The following ZNF609 variants were observed in gnomAD, a reference collection of about 807,000 sequenced individuals.
The protein encoded by ZNF609 is zinc finger protein 609.
ZNF609 carries 11 observed loss-of-function variants against 109.5 expected under a neutral mutation model. The ratio of observed to expected loss-of-function variants is 0.10; its 90% CI spans 0.06 to 0.17. ZNF609 has a LOEUF of 0.17. ZNF609 is among the 10% of genes least tolerant of loss of function. ZNF609 has a pLI of 1.00. For missense variants in ZNF609, 1,559 were observed against 1,772.4 expected (o/e 0.88, Z 2.16); for synonymous variants, 646 against 662.0 (o/e 0.98, Z 0.37).
At chr15:64,507,039 G>T (rs537091936) in intron 2 of ZNF609, among the ~76,000 whole-genome samples, 7 of 151,864 alleles carry the variant, frequency 4.6e-5, no homozygotes, top group African/African-American at 9.7e-5. Context: ...AGTTGGAGGT[G>T]GGGGGAAGAC....
At chr15:64,622,442 C>T (rs1895891093) in intron 2 of ZNF609, among the ~76,000 whole-genome samples, 1 of 152,282 alleles carries the variant, frequency 6.6e-6, no homozygotes, top group East Asian at 1.9e-4. Context: ...AGATGCTGGG[C>T]CTTGTCTTTC....
chr15:64,587,071 A>C (rs1895210692), intron 2 of ZNF609, among the ~76,000 whole-genome samples: 1 of 152,222 alleles, frequency 6.6e-6, no homozygotes, highest in South Asian at 2.1e-4. Flanking sequence ...CTGTTTAATC[A>C]ATATTTTAGG....
Position 64,621,606 on chromosome 15 carries a change from T to G in ZNF609, c.748-1221T>G, listed in dbSNP as rs545561813. Among the ~76,000 whole-genome samples, 4 of 152,256 alleles carry G rather than the reference T, an allele frequency of 2.6e-5. No individual in the cohort carries two copies. In the South Asian group the frequency reaches 8.3e-4, roughly 32 times the overall value. Reference sequence around the variant, plus strand: ...CTTGGCTACACGTGATCTTCCTCCATAGGCCTCCCAAAACATTAGGACTAC... The same window carrying G: ...CTTGGCTACACGTGATCTTCCTCCAGAGGCCTCCCAAAACATTAGGACTAC... On this transcript the variant is annotated intron_variant, in intron 2 of 9. Transcript: ENST00000326648.
intron 3 of ZNF609, among the ~76,000 whole-genome samples, chr15:64,652,267 G>C (rs966967425): frequency 6.6e-6 from 1 of 151,958 alleles, no homozygotes; most frequent in Non-Finnish European, 1.5e-5. Flanking sequence ...CAAGTGATCT[G>C]CCCACCTCGG....
intron 3 of ZNF609, among the ~76,000 whole-genome samples, chr15:64,640,499 G>A (rs1896238299): frequency 6.6e-6 from 1 of 152,126 alleles, no homozygotes; most frequent in Non-Finnish European, 1.5e-5. Flanking sequence ...ATAGGTTTCA[G>A]CAGTTGGCAG....
chr15:64,586,441 G>T (rs535995333), intron 2 of ZNF609, among the ~76,000 whole-genome samples: 1 of 152,066 alleles, frequency 6.6e-6, no homozygotes. Flanking sequence ...GAACCTGGTC[G>T]CACAGCAGGA....
intron 3 of ZNF609, among the ~76,000 whole-genome samples, chr15:64,641,025 A>G (rs1567036977): frequency 6.6e-6 from 1 of 152,068 alleles, no homozygotes; most frequent in African/African-American, 2.4e-5. Flanking sequence ...GGCCTTCTCT[A>G]TCCTGTACTA....
chr15:64,485,660 C>G (rs1893322280), intron 1 of ZNF609, among the ~76,000 whole-genome samples: 1 of 151,928 alleles, frequency 6.6e-6, no homozygotes, highest in South Asian at 2.1e-4. Context: ...TTTAAATTCA[C>G]TGGGCATGGT....
At chr15:64,563,498 G>A (rs189942205) in intron 2 of ZNF609, among the ~76,000 whole-genome samples, 106 of 151,982 alleles carry the variant, frequency 7.0e-4, no homozygotes, top group African/African-American at 2.3e-3. Context: ...AAAGATTGGC[G>A]GGGCGCAGTA....
intron 2 of ZNF609, among the ~76,000 whole-genome samples, chr15:64,565,935 A>G (rs909876357): frequency 6.6e-6 from 1 of 152,052 alleles, no homozygotes; most frequent in Non-Finnish European, 1.5e-5. Context: ...TGGAGCCTCA[A>G]CCTCCTGGGC....
At chr15:64,610,658 AT>A (rs903205041) in intron 2 of ZNF609, among the ~76,000 whole-genome samples, 3 of 151,628 alleles carry the variant, frequency 2.0e-5, no homozygotes, top group South Asian at 2.1e-4. Context: ...TAAAATAATA[AT>A]TTTTTTTTAA....
At chr15:64,630,893 T>C (rs1896063435) in intron 3 of ZNF609, among the ~76,000 whole-genome samples, 2 of 152,246 alleles carry the variant, frequency 1.3e-5, no homozygotes, top group Admixed American at 1.3e-4. Context: ...TATTTGGCTG[T>C]TTTCTAACCA....
chr15:64,576,831 A>G (rs2140419369), intron 2 of ZNF609, among the ~76,000 whole-genome samples: 1 of 146,756 alleles, frequency 6.8e-6, no homozygotes, highest in Non-Finnish European at 1.5e-5. Flanking sequence ...TCAAAAAAAA[A>G]AAAAAAAAAA....
chr15:64,560,056 G>GT (rs1472100138), intron 2 of ZNF609, among the ~76,000 whole-genome samples: 7 of 151,614 alleles, frequency 4.6e-5, no homozygotes, highest in African/African-American at 1.5e-4. Flanking sequence ...GTCTCTCTGG[G>GT]TTTTTTTTGA....
At chr15:64,510,810 T>A (rs777179166) in intron 2 of ZNF609, among the ~76,000 whole-genome samples, 1 of 152,192 alleles carries the variant, frequency 6.6e-6, no homozygotes, top group African/African-American at 2.4e-5. Flanking sequence ...CTCTAATTGC[T>A]TTTTAAATTT....
At chr15:64,553,430 G>T (rs2140395254) in intron 2 of ZNF609, among the ~76,000 whole-genome samples, 1 of 151,560 alleles carries the variant, frequency 6.6e-6, no homozygotes, top group South Asian at 2.1e-4. Flanking sequence ...ACAATATTTT[G>T]TTTTCAGTGT....
chr15:64,594,525 A>T (rs1567023902), intron 2 of ZNF609, among the ~76,000 whole-genome samples: 2 of 151,350 alleles, frequency 1.3e-5, no homozygotes, highest in Non-Finnish European at 1.5e-5. Flanking sequence ...GTTGGTAAAG[A>T]CCGGGTTTCA....
chr15:64,534,938 C>T (rs556001894), intron 2 of ZNF609, among the ~76,000 whole-genome samples: 1 of 151,724 alleles, frequency 6.6e-6, no homozygotes, highest in East Asian at 2.0e-4. Flanking sequence ...GAGGCTAAGT[C>T]AGGAGAATTG....
rs1473403820 is a variant in ZNF609, at chr15:64,681,901, G to A, written c.*215G>A. On this transcript the variant is annotated 3_prime_UTR_variant, in exon 10 of 10. Coordinates refer to ENST00000326648, the MANE Select transcript of ZNF609 (RefSeq NM_015042.2). ...CTCTTCCTCAGGAGCTGGAGAGCTG[G>A]TACTTAGCAAAAATATTTATTCTCT... The A allele has an allele frequency of 6.5e-6, 1 of 153,474 alleles. No homozygotes were observed. The highest frequency in any genetic ancestry group is 1.5e-5 in the Non-Finnish European group (1 of 68,642). The allele number at this position is 153,474 out of a possible 1,614,324, so 9.5% of individuals were successfully genotyped here. A position where few individuals can be genotyped will look rare whatever the true frequency, so the allele number is the denominator to read the frequency against.
Sources: gnomAD v4.1 joint callset for allele counts (sites outside exome capture counted in the v4.1 genomes callset) on GRCh38, gnomAD v4.1.1 for gene constraint, MANE v1.5 for transcripts, NCBI Gene and HGNC (gene_info 2026-07-23, HGNC 2026-07-21) for gene names.